The following PMS1 variants were observed in gnomAD, a reference collection of about 807,000 sequenced individuals.
PMS1 encodes the protein PMS1 protein homolog 1.
PMS1 carries 79 observed loss-of-function variants against 93.1 expected under a neutral mutation model. The ratio of observed to expected loss-of-function variants is 0.85; its 90% CI spans 0.71 to 1.02. The LOEUF is 1.02. Among genes scored for constraint, PMS1 ranks in the 50% least tolerant of loss-of-function variants. The pLI, the probability that PMS1 is intolerant of heterozygous loss-of-function variation, is 0.00. For synonymous variants in PMS1, 335 were observed against 363.4 expected (o/e 0.92, Z 0.89); for missense variants, 1,064 against 1,085.3 (o/e 0.98, Z 0.28).
intron 4 of PMS1, among the ~76,000 whole-genome samples, chr2:189,811,279 C>G (rs1159743007): frequency 1.7e-5 from 2 of 119,850 alleles, no homozygotes; most frequent in Non-Finnish European, 3.3e-5. Flanking sequence ...AGAACAAAAT[C>G]TGAAAAAAAA....
At chr2:189,844,183 A>G in intron 6 of PMS1, 103 bp downstream of exon 6, 1 of 1,570,946 alleles carries the variant, frequency 6.4e-7, no homozygotes, top group South Asian at 1.1e-5. Flanking sequence ...GTCTTTTAAT[A>G]TTTTAATCAA....
At chr2:189,828,123 A>G (rs1007069801) in intron 5 of PMS1, among the ~76,000 whole-genome samples, 1 of 151,790 alleles carries the variant, frequency 6.6e-6, no homozygotes, top group Non-Finnish European at 1.5e-5. Context: ...ACGGGGTTTC[A>G]CCATATTAGC....
chr2:189,847,789 G>T (rs2054375744), intron 6 of PMS1, among the ~76,000 whole-genome samples: 1 of 152,098 alleles, frequency 6.6e-6, no homozygotes, highest in African/African-American at 2.4e-5. Context: ...CTGGAGTTGT[G>T]CTAAGCAGTT....
rs1404112375 is a variant in PMS1 at position 189,877,564 on chromosome 2, T to C, written c.*128T>C. ...TTTTTTAAATGAGGATTCACTGACT[T>C]GTTTTTATATTGAAAAAAGTTCCAC... is the stretch of plus-strand genomic sequence containing the variant. On this transcript the variant is annotated 3_prime_UTR_variant, in exon 13 of 13. Transcript: ENST00000441310. 2.3e-5 allele frequency: 15 copies of C among 656,514 alleles called. No homozygotes were observed. Among genetic ancestry groups the C allele is most frequent in the Non-Finnish European group, 3.7e-5 (14 of 382,250 alleles). The allele number at this position is 656,514 out of a possible 1,614,324, so 40.7% of individuals were successfully genotyped here.
intron 12 of PMS1, among the ~76,000 whole-genome samples, chr2:189,876,757 C>T (rs902168094): frequency 1.3e-5 from 2 of 150,990 alleles, no homozygotes; most frequent in Non-Finnish European, 3.0e-5. Flanking sequence ...ACAGGCATGC[C>T]CCACCGTGCC....
At chr2:189,803,107 C>T (rs922401732) in intron 3 of PMS1, among the ~76,000 whole-genome samples, 3 of 151,544 alleles carry the variant, frequency 2.0e-5, no homozygotes, top group Admixed American at 6.6e-5. Context: ...TCACCTGAAT[C>T]GTAAAGACTG....
intron 6 of PMS1, among the ~76,000 whole-genome samples, chr2:189,845,642 A>T (rs1369187691): frequency 6.6e-6 from 1 of 151,940 alleles, no homozygotes; most frequent in Middle Eastern, 3.2e-3. Flanking sequence ...CACAACTCTC[A>T]TCTTCAGATA....
At chr2:189,872,231 TG>T (rs1053328735) in intron 11 of PMS1, among the ~76,000 whole-genome samples, 18 of 152,294 alleles carry the variant, frequency 1.2e-4, no homozygotes, top group African/African-American at 3.9e-4. Context: ...AGTTGTTCTC[TG>T]GGAAAAATGT....
intron 6 of PMS1, among the ~76,000 whole-genome samples, chr2:189,847,903 T>G (rs1474468320): frequency 6.6e-6 from 1 of 152,226 alleles, no homozygotes; most frequent in Non-Finnish European, 1.5e-5. Flanking sequence ...TTAATATTGC[T>G]TATCATTTTA....
chr2:189,845,332 T>C (rs2054166675), intron 6 of PMS1, among the ~76,000 whole-genome samples: 1 of 152,140 alleles, frequency 6.6e-6, no homozygotes, highest in African/African-American at 2.4e-5. Context: ...GCCATGCAAA[T>C]GAGAATATTC....
At position 189,854,972 on chromosome 2, in the gene PMS1, G is replaced by T. The variant is rs2106464257; in HGVS notation, c.1700G>T (p.Ser567Ile). The change falls in exon 9 of 13, where the codon AGC becomes ATC. Residue 567 changes from serine to isoleucine, a missense_variant. Physicochemically the swap from Ser to Ile is moderately radical, Grantham distance 142. Transcript: ENST00000441310. ...SGKVTAYDLL[S>I]NRVIKKPMSA... ...AAAGTTACAGCTTATGATTTACTTA[G>T]CAATCGAGTAATCAAGAAACCCATG... 6.2e-7 allele frequency: 1 copy of T among 1,612,966 alleles called. No homozygotes were observed. The highest frequency in any genetic ancestry group is 1.1e-5 in the South Asian group (1 of 91,034).
At chr2:189,814,327 C>A (rs909045927) in intron 4 of PMS1, among the ~76,000 whole-genome samples, 1 of 151,238 alleles carries the variant, frequency 6.6e-6, no homozygotes, top group African/African-American at 2.4e-5. Flanking sequence ...AAAAAAAAAT[C>A]ATTAGTAATG....
chr2:189,846,441 G>A (rs1344776149), intron 6 of PMS1, among the ~76,000 whole-genome samples: 1 of 151,636 alleles, frequency 6.6e-6, no homozygotes, highest in Admixed American at 6.6e-5. Context: ...TTGAACCCAG[G>A]AGGCAGAGGT....
chr2:189,816,271 T>C (rs2051290973), intron 4 of PMS1, among the ~76,000 whole-genome samples: 1 of 152,238 alleles, frequency 6.6e-6, no homozygotes, highest in South Asian at 2.1e-4. Context: ...ATTTGGGTGC[T>C]ATACTTCTGG....
intron 6 of PMS1, among the ~76,000 whole-genome samples, chr2:189,844,867 T>C (rs972449970): frequency 6.6e-6 from 1 of 150,618 alleles, no homozygotes; most frequent in African/African-American, 2.4e-5. Context: ...TTCTTCTTTC[T>C]TTTTTTTTGA....
rs1471605897 is a variant in PMS1 at position 189,805,558 on chromosome 2, T to G, written c.316-94T>G. The G allele has an allele frequency of 9.0e-6, 9 of 1,003,928 alleles. No homozygotes were observed. In the Admixed American group the frequency reaches 1.6e-4, roughly 18 times the overall value. 62.2% of individuals were successfully genotyped at this position (1,003,928 alleles called of 1,614,324 possible). ...TTATTAGGTAAAATACGCTATTGAG[T>G]AAATATATTATGCAATAATCATTTC... On this transcript the variant is annotated intron_variant, in intron 3 of 12. Transcript: ENST00000441310.
At chr2:189,805,979 A>G (rs1468101921) in intron 4 of PMS1, 2 of 1,406,560 alleles carry the variant, frequency 1.4e-6, no homozygotes, top group Admixed American at 2.9e-5. Context: ...GGACACTTCC[A>G]TGGACTAGTT....
chr2:189,830,040 C>A (rs1007111483), intron 5 of PMS1, among the ~76,000 whole-genome samples: 1 of 152,090 alleles, frequency 6.6e-6, no homozygotes, highest in Non-Finnish European at 1.5e-5. Context: ...AAAATCAAAG[C>A]CTTTATAAGC....
At chr2:189,863,035 C>G (rs1401352627) in intron 9 of PMS1, among the ~76,000 whole-genome samples, 1 of 152,164 alleles carries the variant, frequency 6.6e-6, no homozygotes, top group Non-Finnish European at 1.5e-5. Flanking sequence ...TGACTGAGTT[C>G]TGGCCACCCT....
Sources: allele counts gnomAD v4.1 joint callset (sites outside exome capture counted in the v4.1 genomes callset), GRCh38; gene constraint gnomAD v4.1.1; transcripts MANE v1.5; gene names NCBI Gene and HGNC (gene_info 2026-07-23, HGNC 2026-07-21).